The following CFAP299 variants were observed in gnomAD, a reference collection of about 807,000 sequenced individuals.
CFAP299 encodes cilia- and flagella-associated protein 299.
In CFAP299, 21 loss-of-function variants were observed where a neutral mutation model predicts 27.0. That is an observed-to-expected ratio of 0.78 (90% CI 0.55 to 1.12). The LOEUF (loss-of-function observed/expected upper bound fraction) is 1.12. CFAP299 is among the 50% of genes most tolerant of loss of function. CFAP299 has a pLI of 0.00. For synonymous variants in CFAP299, 104 were observed against 98.1 expected (o/e 1.06, Z -0.36); for missense variants, 310 against 276.6 (o/e 1.12, Z -0.86).
chr4:80,946,606 T>C (rs895280889), intron 5 of CFAP299, among the ~76,000 whole-genome samples: 2 of 152,298 alleles, frequency 1.3e-5, no homozygotes, highest in Non-Finnish European at 2.9e-5. Context: ...GAGGTTTAAG[T>C]AGACAACTGG....
intron 3 of CFAP299, among the ~76,000 whole-genome samples, chr4:80,628,097 A>G (rs1739005446): frequency 6.6e-6 from 1 of 152,172 alleles, no homozygotes; most frequent in Admixed American, 6.5e-5. Flanking sequence ...TTACAAAGCT[A>G]TAGTGACCAA....
rs4693114 is a variant in CFAP299, at chr4:80,851,166, G to A, written c.334-18827G>A. ...TTTAAAAGCTTCTGGTGTATAAGTG[G>A]TAGTTGAAGTCACTGTTCAAGAAAA... On this transcript the variant is annotated intron_variant, in intron 3 of 5. Transcript: ENST00000358105. Among the ~76,000 whole-genome samples the A allele has an allele frequency of 2.2e-3, 328 of 152,206 alleles. 7 individuals are homozygous for A. The highest frequency in any genetic ancestry group is 0.018 in the Admixed American group (279 of 15,288).
At chr4:80,938,506 C>T (rs1737032490) in intron 4 of CFAP299, among the ~76,000 whole-genome samples, 1 of 152,168 alleles carries the variant, frequency 6.6e-6, no homozygotes, top group South Asian at 2.1e-4. Context: ...TTTAGTTAAT[C>T]TATAATCTAT....
At chr4:80,873,083 G>T in intron 4 of CFAP299, 2 of 866,422 alleles carry the variant, frequency 2.3e-6, no homozygotes, top group Non-Finnish European at 2.8e-6. Flanking sequence ...GGATATTATA[G>T]TTTTGCTTTT....
intron 3 of CFAP299, among the ~76,000 whole-genome samples, chr4:80,707,229 C>T (rs1721873128): frequency 6.6e-6 from 1 of 151,950 alleles, no homozygotes; most frequent in South Asian, 2.1e-4. Context: ...GGCCAAATCT[C>T]TTTCTTCTGC....
intron 3 of CFAP299, among the ~76,000 whole-genome samples, chr4:80,688,973 C>A (rs1034191511): frequency 1.3e-4 from 20 of 151,868 alleles, no homozygotes; most frequent in Middle Eastern, 6.8e-3. Context: ...TGAAATGAAG[C>A]GAGAAGGGAA....
chr4:80,393,801 C>G (rs1349711666), intron 2 of CFAP299, among the ~76,000 whole-genome samples: 1 of 152,042 alleles, frequency 6.6e-6, no homozygotes, highest in African/African-American at 2.4e-5. Flanking sequence ...CATGACTGTA[C>G]CTGTTGACCA....
intron 3 of CFAP299, among the ~76,000 whole-genome samples, chr4:80,584,426 A>G (rs1736328786): frequency 6.6e-6 from 1 of 152,010 alleles, no homozygotes; most frequent in Non-Finnish European, 1.5e-5. Flanking sequence ...AGAGGTCAAG[A>G]TGTGGTAATT....
intron 3 of CFAP299, among the ~76,000 whole-genome samples, chr4:80,858,552 A>C (rs1468229742): frequency 6.6e-6 from 1 of 152,112 alleles, no homozygotes. Context: ...ATGTAGTGCT[A>C]TAAATTTCCC....
chr4:80,696,119 G>T (rs1406450942), intron 3 of CFAP299, among the ~76,000 whole-genome samples: 1 of 151,912 alleles, frequency 6.6e-6, no homozygotes, highest in Non-Finnish European at 1.5e-5. Flanking sequence ...GGCTAGCTTG[G>T]TGAAACCCCA....
chr4:80,371,409 C>T lies in CFAP299; in HGVS notation c.242+8525C>T, dbSNP rs147738126. 2.6e-5 allele frequency among the ~76,000 whole-genome samples: 4 copies of T among 152,284 alleles called. No homozygotes were observed. In the East Asian group the frequency reaches 7.7e-4, roughly 29 times the overall value. ...TTGTTATACAAATTTCTGCAGCCTG[C>T]TTGGATTTCTCCCCCCAAAATGAGT... On this transcript the variant is annotated intron_variant, in intron 2 of 5. Transcript: ENST00000358105.
intron 1 of CFAP299, among the ~76,000 whole-genome samples, chr4:80,345,408 A>G (rs1050510516): frequency 4.6e-5 from 7 of 150,614 alleles, no homozygotes; most frequent in Admixed American, 4.0e-4. Context: ...ATTTCTCCCA[A>G]TGCTATCCCT....
At chr4:80,550,762 C>A (rs1384999469) in intron 2 of CFAP299, among the ~76,000 whole-genome samples, 1 of 77,344 alleles carries the variant, frequency 1.3e-5, no homozygotes, top group Non-Finnish European at 2.2e-5. Flanking sequence ...TAACTCAAAA[C>A]ACACACACAC....
intron 3 of CFAP299, among the ~76,000 whole-genome samples, chr4:80,737,875 G>A (rs183668170): frequency 1.3e-5 from 2 of 152,156 alleles, no homozygotes; most frequent in Non-Finnish European, 2.9e-5. Context: ...AGCTATAAAC[G>A]ATCCTCTTAG....
At chr4:80,382,883 A>G (rs1204614996) in intron 2 of CFAP299, among the ~76,000 whole-genome samples, 4 of 152,206 alleles carry the variant, frequency 2.6e-5, no homozygotes, top group African/African-American at 9.6e-5. Flanking sequence ...TTGCACATGT[A>G]TGTTCACTGC....
intron 2 of CFAP299, among the ~76,000 whole-genome samples, chr4:80,538,797 TC>T (rs1733867890): frequency 6.6e-6 from 1 of 152,206 alleles, no homozygotes; most frequent in Non-Finnish European, 1.5e-5. Flanking sequence ...CTTGCCTAAC[TC>T]TGCGTTTCTC....
At chr4:80,777,058 A>T (rs1371208865) in intron 3 of CFAP299, among the ~76,000 whole-genome samples, 1 of 151,906 alleles carries the variant, frequency 6.6e-6, no homozygotes, top group Non-Finnish European at 1.5e-5. Context: ...ACACACTCAA[A>T]TTTGATTATT....
At chr4:80,391,682 C>G (rs1016409114) in intron 2 of CFAP299, among the ~76,000 whole-genome samples, 1 of 152,128 alleles carries the variant, frequency 6.6e-6, no homozygotes, top group Non-Finnish European at 1.5e-5. Flanking sequence ...AATTATGGCA[C>G]AGATTCTGGG....
At chr4:80,908,096 G>T (rs1735275190) in intron 4 of CFAP299, among the ~76,000 whole-genome samples, 1 of 152,104 alleles carries the variant, frequency 6.6e-6, no homozygotes. Context: ...CTTTGCTCAG[G>T]GAACCTGAAG....
Sources: allele counts gnomAD v4.1 joint callset (sites outside exome capture counted in the v4.1 genomes callset), GRCh38; gene constraint gnomAD v4.1.1; transcripts MANE v1.5; gene names NCBI Gene and HGNC (gene_info 2026-07-23, HGNC 2026-07-21).